The following KCNQ5 variants were observed in gnomAD, a reference collection of about 807,000 sequenced individuals.
The protein encoded by KCNQ5 is potassium voltage-gated channel subfamily KQT member 5.
A neutral mutation model predicts 98.2 loss-of-function variants in KCNQ5; 30 were observed. That is an observed-to-expected ratio of 0.31 (90% CI 0.23 to 0.41). The LOEUF is 0.41. KCNQ5 is among the 10% of genes least tolerant of loss of function. KCNQ5 has a pLI of 1.00. For synonymous variants in KCNQ5, 458 were observed against 449.4 expected (o/e 1.02, Z -0.24); for missense variants, 835 against 1,182.5 (o/e 0.71, Z 4.31).
In KCNQ5 at chr6:72,861,980, C is replaced by T. The variant is rs114149394; in HGVS notation, c.399-141928C>T. Among the ~76,000 whole-genome samples, 288 of 152,288 alleles carry T rather than the reference C, an allele frequency of 1.9e-3. 1 individual carries two copies. The highest frequency in any genetic ancestry group is 6.8e-3 in the African/African-American group (283 of 41,564). Reference sequence around the variant, plus strand: ...TTTTCCTGCCCTCTGCCAGTTTTCTCAGCCTACTCATGACTTCCCGGCCCT... The same window carrying T: ...TTTTCCTGCCCTCTGCCAGTTTTCTTAGCCTACTCATGACTTCCCGGCCCT... On this transcript the variant is annotated intron_variant, in intron 1 of 13. Transcript: ENST00000370398.
chr6:72,816,653 A>G lies in KCNQ5; in HGVS notation c.399-187255A>G, dbSNP rs1775521863. On this transcript the variant is annotated intron_variant, in intron 1 of 13. Coordinates refer to ENST00000370398, the MANE Select transcript of KCNQ5 (RefSeq NM_019842.4). ...TATCTAGATTAACGTAACAATTAAC[A>G]TGGTCTGCCAAACAGCTCAGAGATG... Among the ~76,000 whole-genome samples, 7 of 152,232 alleles carry G rather than the reference A, an allele frequency of 4.6e-5. No homozygotes were observed. The South Asian group carries it at 1.2e-3, about 27-fold the overall frequency.
chr6:72,863,687 G>T (rs566372302), intron 1 of KCNQ5, among the ~76,000 whole-genome samples: 1 of 152,274 alleles, frequency 6.6e-6, no homozygotes, highest in African/African-American at 2.4e-5. Context: ...AATAAAGTAA[G>T]GCATTAATTT....
chr6:72,722,665 C>T (rs965921521), intron 1 of KCNQ5, among the ~76,000 whole-genome samples: 3 of 152,096 alleles, frequency 2.0e-5, no homozygotes, highest in Non-Finnish European at 2.9e-5. Context: ...ATTGTTCCTT[C>T]GGCATAGCTC....
intron 5 of KCNQ5, among the ~76,000 whole-genome samples, chr6:73,079,182 G>C (rs903653634): frequency 2.0e-5 from 3 of 152,138 alleles, no homozygotes; most frequent in Admixed American, 6.5e-5. Flanking sequence ...CACTCCTGTA[G>C]TTCCAGCTAC....
At chr6:73,130,062 C>T (rs1776162993) in intron 9 of KCNQ5, among the ~76,000 whole-genome samples, 1 of 152,254 alleles carries the variant, frequency 6.6e-6, no homozygotes, top group Non-Finnish European at 1.5e-5. Context: ...TAGTCGGCGT[C>T]CCGCGTAGAA....
At chr6:72,711,648 G>A (rs1282903738) in intron 1 of KCNQ5, among the ~76,000 whole-genome samples, 1 of 152,180 alleles carries the variant, frequency 6.6e-6, no homozygotes, top group Non-Finnish European at 1.5e-5. Context: ...TGGAGAATTG[G>A]AGTAGGGAAA....
intron 2 of KCNQ5, among the ~76,000 whole-genome samples, chr6:73,035,985 TTGTG>T (rs70994155): frequency 0.36 from 50,315 of 140,246 alleles, 9,088 homozygotes; most frequent in South Asian, 0.45. Context: ...TTGAATACAT[TTGTG>T]TGTGTGTGTG....
At chr6:73,120,073 A>C (rs1325641368) in intron 7 of KCNQ5, among the ~76,000 whole-genome samples, 4 of 86,812 alleles carry the variant, frequency 4.6e-5, no homozygotes, top group Non-Finnish European at 1.0e-4. Context: ...CTCCATCTCT[A>C]CTAAAAGTAC....
chr6:73,097,986 A>T (rs955472807), intron 5 of KCNQ5, among the ~76,000 whole-genome samples: 1 of 152,160 alleles, frequency 6.6e-6, no homozygotes, highest in African/African-American at 2.4e-5. Flanking sequence ...CAAACACCAC[A>T]ACCTCAAGAT....
At chr6:72,833,565 TG>T (rs1341217452) in intron 1 of KCNQ5, among the ~76,000 whole-genome samples, 1 of 152,196 alleles carries the variant, frequency 6.6e-6, no homozygotes, top group Non-Finnish European at 1.5e-5. Context: ...TAAATATGTG[TG>T]GGTATCTTTA....
At chr6:73,110,019 T>C (rs1487028792) in intron 6 of KCNQ5, among the ~76,000 whole-genome samples, 2 of 152,156 alleles carry the variant, frequency 1.3e-5, no homozygotes, top group East Asian at 3.8e-4. Context: ...CAAGTTGTTA[T>C]TCAGTTGAGA....
chr6:72,975,514 A>G (rs1248648745), intron 1 of KCNQ5, among the ~76,000 whole-genome samples: 1 of 152,118 alleles, frequency 6.6e-6, no homozygotes, highest in Non-Finnish European at 1.5e-5. Flanking sequence ...AACAAGTGCC[A>G]TTGTAGGTCA....
At chr6:72,997,386 CCA>C (rs1398084187) in intron 1 of KCNQ5, among the ~76,000 whole-genome samples, 5 of 152,160 alleles carry the variant, frequency 3.3e-5, no homozygotes, top group East Asian at 3.9e-4. Flanking sequence ...CAAGCAGAAA[CCA>C]CAGTTTCCCA....
intron 1 of KCNQ5, among the ~76,000 whole-genome samples, chr6:72,875,781 A>T (rs1418126935): frequency 6.6e-6 from 1 of 152,074 alleles, no homozygotes; most frequent in Non-Finnish European, 1.5e-5. Context: ...CATATAATGA[A>T]TAATATTATC....
rs191414956 is a variant in KCNQ5, at chr6:72,893,286, G to T, written c.399-110622G>T. On this transcript the variant is annotated intron_variant, in intron 1 of 13. Coordinates refer to ENST00000370398, the MANE Select transcript of KCNQ5 (RefSeq NM_019842.4). ...GAGATGTATGCATCAGGCTATTGTG[G>T]TTTTTTTTTAATACTAATTCTAGAT... Among the ~76,000 whole-genome samples, 947 of 151,558 alleles carry T rather than the reference G, an allele frequency of 6.2e-3. 10 individuals carry two copies. Among genetic ancestry groups the T allele is most frequent in the African/African-American group, 0.019 (796 of 41,312 alleles).
rs1016539681 is a variant in KCNQ5, at chr6:72,622,731, T to G, written c.398+144T>G. The G allele has an allele frequency of 9.8e-6, 8 of 815,734 alleles. No homozygotes were observed. The highest frequency in any genetic ancestry group is 5.4e-5 in the Admixed American group (2 of 36,742). 50.5% of individuals were successfully genotyped at this position (815,734 alleles called of 1,614,324 possible). A position where few individuals can be genotyped will look rare whatever the true frequency, so the allele number is the denominator to read the frequency against. ...ATTTCTTCGCACGTGTTCGTGGTCT[T>G]CCTTCTGGAGCCTCTCCCCTCCCCC... On this transcript the variant is annotated intron_variant, in intron 1 of 13. Transcript: ENST00000370398. This position sits in a 1 kb window ranked among gnomAD's most constrained non-coding sequence, Gnocchi z 6.0.
At position 73,179,006 on chromosome 6, in the gene KCNQ5, A is replaced by G. The variant is rs1050236423; in HGVS notation, c.1577+9152A>G. Among the ~76,000 whole-genome samples the G allele has an allele frequency of 2.0e-5, 3 of 152,120 alleles. No individual in the cohort carries two copies. The South Asian group carries it at 6.2e-4, about 31-fold the overall frequency. On this transcript the variant is annotated intron_variant, in intron 11 of 13. Coordinates refer to ENST00000370398, the MANE Select transcript of KCNQ5 (RefSeq NM_019842.4). ...TTTCGAGTGAGGGCTGCCTCAGGGG[A>G]AATTCTGTGATCAAAAGGCTCTGGG... is the stretch of plus-strand genomic sequence containing the variant.
At chr6:72,973,130 G>A (rs1767983718) in intron 1 of KCNQ5, among the ~76,000 whole-genome samples, 1 of 152,188 alleles carries the variant, frequency 6.6e-6, no homozygotes, top group Non-Finnish European at 1.5e-5. Context: ...GTTGAAAAAT[G>A]AGTCCCACTT....
chr6:73,055,822 G>A (rs1483305324), intron 3 of KCNQ5: 7 of 780,612 alleles, frequency 9.0e-6, no homozygotes, highest in Non-Finnish European at 1.6e-5. Flanking sequence ...CAAAGCCATG[G>A]AAGTTGTGGC....
Sources: allele counts gnomAD v4.1 joint callset (sites outside exome capture counted in the v4.1 genomes callset), GRCh38; gene constraint gnomAD v4.1.1; non-coding constraint Gnocchi (gnomAD v3.1); transcripts MANE v1.5; gene names NCBI Gene and HGNC (gene_info 2026-07-23, HGNC 2026-07-21).